EPCAM: variants seen among roughly 807,000 people sequenced by gnomAD.
EPCAM encodes the protein epithelial cell adhesion molecule, also known as adenocarcinoma-associated antigen.
In EPCAM, 39 loss-of-function variants were observed where a neutral mutation model predicts 40.0. That is an observed-to-expected ratio of 0.98 (90% confidence interval 0.76 to 1.27). EPCAM has a LOEUF of 1.27. Ranked by LOEUF, EPCAM falls within the 50% of genes most tolerant of loss-of-function variation. The probability of loss-of-function intolerance (pLI) is 0.00; values close to 1 mark genes in which losing one functional copy is unlikely to be tolerated. For missense variants in EPCAM, 503 were observed against 381.2 expected, an observed-to-expected ratio of 1.32 and a Z score of -2.66; for synonymous variants, 168 against 132.3, an observed-to-expected ratio of 1.27 and a Z score of -1.85.
intron 8 of EPCAM, among the ~76,000 whole-genome samples, chr2:47,385,538 CTGATT>C (rs1326055703): frequency 6.6e-6 from 1 of 152,170 alleles, no homozygotes; most frequent in Non-Finnish European, 1.5e-5. Flanking sequence ...GACTGATGAT[CTGATT>C]TATTATCTCT....
chr2:47,369,588 C>G lies in EPCAM; in HGVS notation c.76+7C>G, dbSNP rs927382710. 1.3e-6 allele frequency: 2 copies of G among 1,587,198 alleles called. No homozygotes were observed. Among genetic ancestry groups the G allele is most frequent in the South Asian group, 1.1e-5 (1 of 86,994 alleles). On this transcript the variant is annotated splice_region_variant and intron_variant, in intron 1 of 8. Transcript: ENST00000263735. ...TTTGCCGCAGCTCAGGAAGGTGAGGCGCGGATTGGAGCAGAGTTGTGGAGC... is the reference window on the plus strand; with the variant it reads ...TTTGCCGCAGCTCAGGAAGGTGAGGGGCGGATTGGAGCAGAGTTGTGGAGC...
chr2:47,378,086 C>A lies in EPCAM; in HGVS notation c.556-867C>A, dbSNP rs112018647. Among the ~76,000 whole-genome samples, 474 of 151,942 alleles carry A rather than the reference C, an allele frequency of 3.1e-3. 3 individuals carry two copies. Among genetic ancestry groups the A allele is most frequent in the African/African-American group, 0.011 (455 of 41,468 alleles). On this transcript the variant is annotated intron_variant, in intron 5 of 8. Coordinates refer to ENST00000263735, the MANE Select transcript of EPCAM (RefSeq NM_002354.3). ...TCTCTACTAAAAACATACAAAATAGCCGAATGTGGTGGTGGGCACCTGTAG... is the reference window on the plus strand; with the variant it reads ...TCTCTACTAAAAACATACAAAATAGACGAATGTGGTGGTGGGCACCTGTAG...
chr2:47,379,023 TAGC>T lies in EPCAM; in HGVS notation c.627_629del (p.Ala210del), dbSNP rs1312314738. The T allele has an allele frequency of 6.3e-7, 1 of 1,597,528 alleles. No homozygotes were observed. The highest frequency in any genetic ancestry group is 8.6e-7 in the Non-Finnish European group (1 of 1,165,106). On this transcript the variant is annotated inframe_deletion, in exon 6 of 9. Transcript: ENST00000263735. ...CAAAAAACTCAGAATGATGTGGACA[TAGC>T]TGATGTGGCTTATTATTTTGAAAAA...
intron 1 of EPCAM, 137 bp downstream of exon 1, chr2:47,369,718 G>C: frequency 1.1e-6 from 1 of 934,772 alleles, no homozygotes; most frequent in Non-Finnish European, 1.7e-6. Flanking sequence ...ACCGGACGGT[G>C]CGGCCGTGCT....
At chr2:47,382,865 A>G (rs993416300) in intron 7 of EPCAM, among the ~76,000 whole-genome samples, 8 of 152,320 alleles carry the variant, frequency 5.3e-5, no homozygotes, top group Middle Eastern at 3.4e-3. Flanking sequence ...AGCTGTGCAC[A>G]GGTGGTGATG....
rs1253942306 is a variant in EPCAM, at chr2:47,377,086, T to C, written c.555+9T>C. 6.4e-7 allele frequency: 1 copy of C among 1,570,390 alleles called. No homozygotes were observed. Among genetic ancestry groups the C allele is most frequent in the Non-Finnish European group, 8.8e-7 (1 of 1,140,288 alleles). ...TTATCACGAGTATTTTGGTATGATT[T>C]TTTAATAAGTGAGCTTTAGCAGACA... On this transcript the variant is annotated intron_variant, in intron 5 of 8. Transcript: ENST00000263735.
chr2:47,380,638 G>A (rs1052292194), intron 7 of EPCAM, among the ~76,000 whole-genome samples: 1 of 152,118 alleles, frequency 6.6e-6, no homozygotes, highest in Non-Finnish European at 1.5e-5. Context: ...CAAAGTTAAC[G>A]TTAGCCATAC....
At chr2:47,379,274 A>G (rs1362897676) in intron 6 of EPCAM, among the ~76,000 whole-genome samples, 2 of 152,076 alleles carry the variant, frequency 1.3e-5, no homozygotes, top group Non-Finnish European at 1.5e-5. Context: ...CCTCTTTCTT[A>G]TAATTCTTAT....
In EPCAM at chr2:47,385,568, A is replaced by T. The variant is rs568917098; in HGVS notation, c.903+358A>T. 4.6e-5 allele frequency among the ~76,000 whole-genome samples: 7 copies of T among 152,318 alleles called. No individual in the cohort carries two copies. In the South Asian group the frequency reaches 1.2e-3, roughly 27 times the overall value. On this transcript the variant is annotated intron_variant, in intron 8 of 8. Transcript: ENST00000263735. ...TTATTATCTCTATGCCAGTGAAATA[A>T]TCATTTAATATGAACTTAATTTGTC... is the stretch of plus-strand genomic sequence containing the variant.
chr2:47,383,722 T>TGC (rs1671662157), intron 7 of EPCAM, among the ~76,000 whole-genome samples: 3 of 137,624 alleles, frequency 2.2e-5, no homozygotes, highest in Admixed American at 7.7e-5. Context: ...GCAACCTCCA[T>TGC]CTCCCAGGTT....
rs1231872042 is a variant in EPCAM, at chr2:47,373,445, T to C, written c.77-18T>C. The C allele has an allele frequency of 3.3e-6, 5 of 1,519,272 alleles. No individual in the cohort carries two copies. The highest frequency in any genetic ancestry group is 3.6e-6 in the Non-Finnish European group (4 of 1,097,900). 94.1% of individuals were successfully genotyped at this position (1,519,272 alleles called of 1,614,324 possible). A position where few individuals can be genotyped will look rare whatever the true frequency, so the allele number is the denominator to read the frequency against. ...ATAGATCCACATTTTAAAGTAGATT[T>C]TTTTTTTAATTTTCTAGAATGTGTC... On this transcript the variant is annotated intron_variant, in intron 1 of 8. Coordinates refer to ENST00000263735, the MANE Select transcript of EPCAM (RefSeq NM_002354.3).
chr2:47,372,799 C>T (rs1260996036), intron 1 of EPCAM, among the ~76,000 whole-genome samples: 1 of 151,912 alleles, frequency 6.6e-6, no homozygotes, highest in Non-Finnish European at 1.5e-5. Context: ...AAGGCAGTGA[C>T]TAACAGGGAT....
chr2:47,369,561 CT>C lies in EPCAM; in HGVS notation c.60del (p.Phe20LeufsTer17), dbSNP rs1467836462. 1.9e-6 allele frequency: 3 copies of C among 1,589,874 alleles called. No homozygotes were observed. The highest frequency in any genetic ancestry group is 1.8e-5 in the Admixed American group (1 of 56,166). The stretch of plus-strand genomic sequence containing the variant: ...CTTCTGCTTGCCGCGGCGACGGCGA[CT>C]TTTGCCGCAGCTCAGGAAGGTGAGG... Reference protein sequence around the residue: ...FGLLLAAATATFAAAQEECVC... With the variant: ...FGLLLAAATAXFAAAQEECVC... On this transcript the variant is annotated frameshift_variant, in exon 1 of 9. Transcript: ENST00000263735. LOFTEE classifies it high-confidence loss of function.
Position 47,383,698 on chromosome 2 carries a change from G to A in EPCAM, c.859-1468G>A, listed in dbSNP as rs368342745. On this transcript the variant is annotated intron_variant, in intron 7 of 8. Coordinates refer to ENST00000263735, the MANE Select transcript of EPCAM (RefSeq NM_002354.3). ...TGCCCAGGCTGGAGTGCAGTGGCACGATCTCGGCTCACTGCAACCTCCATC... is the reference window on the plus strand; with the variant it reads ...TGCCCAGGCTGGAGTGCAGTGGCACAATCTCGGCTCACTGCAACCTCCATC... Among the ~76,000 whole-genome samples the A allele has an allele frequency of 2.8e-4, 35 of 123,944 alleles. No homozygotes were observed. The East Asian group carries it at 5.8e-3, about 21-fold the overall frequency. The allele number at this position is 123,944 out of a possible 152,430, so 81.3% of individuals were successfully genotyped here.
intron 1 of EPCAM, among the ~76,000 whole-genome samples, chr2:47,372,452 A>G (rs907813920): frequency 5.9e-5 from 9 of 151,984 alleles, no homozygotes; most frequent in Non-Finnish European, 4.4e-5. Context: ...AGCCTGACCA[A>G]CATGGTGAAA....
intron 2 of EPCAM, 25 bp downstream of exon 2, chr2:47,373,595 G>A (rs1167417031): frequency 6.4e-7 from 1 of 1,556,844 alleles, no homozygotes; most frequent in South Asian, 1.1e-5. Context: ...CTAATTACCT[G>A]TAAGCTTTAT....
chr2:47,372,766 T>C (rs1671309017), intron 1 of EPCAM, among the ~76,000 whole-genome samples: 1 of 151,940 alleles, frequency 6.6e-6, no homozygotes, highest in African/African-American at 2.4e-5. Context: ...AGTGAGACTC[T>C]GTCTCAAGAA....
At chr2:47,373,772 T>G (rs1008808628) in intron 2 of EPCAM, 36 bp from the exon 3 acceptor site, 2 of 1,613,654 alleles carry the variant, frequency 1.2e-6, no homozygotes, top group Non-Finnish European at 1.7e-6. Context: ...ATGAAATCAG[T>G]TATTTTTCAG....
At chr2:47,377,754 T>A (rs146825879) in intron 5 of EPCAM, 1 of 462,770 alleles carries the variant, frequency 2.2e-6, no homozygotes, top group East Asian at 7.3e-5. Flanking sequence ...TACTTTAGGA[T>A]GTTACTGGAG....
Sources: gnomAD v4.1 joint callset for allele counts (sites outside exome capture counted in the v4.1 genomes callset) on GRCh38, gnomAD v4.1.1 for gene constraint, MANE v1.5 for transcripts, NCBI Gene and HGNC (gene_info 2026-07-23, HGNC 2026-07-21) for gene names.